Variants in MS4A18 observed in about 807,000 individuals in gnomAD.
MS4A18 encodes membrane-spanning 4-domains subfamily A member 18.
A neutral mutation model predicts 13.1 loss-of-function variants in MS4A18; 27 were observed. The observed-to-expected ratio is 2.06, with a 90% CI of 1.52 to 2.84. The LOEUF (loss-of-function observed/expected upper bound fraction) is 2.84, where lower values mean the gene tolerates loss of function less well. MS4A18 is among the 30% of genes most tolerant of loss of function. The probability of loss-of-function intolerance (pLI) is 0.00; values close to 1 mark genes in which losing one functional copy is unlikely to be tolerated. For synonymous variants in MS4A18, 126 were observed against 76.5 expected, an observed-to-expected ratio of 1.65 and a Z score of -3.38; for missense variants, 307 against 196.4, an observed-to-expected ratio of 1.56 and a Z score of -3.37.
exon 1 of MS4A18, chr11:60,729,732 A>G (rs1192355877): frequency 2.7e-5 from 19 of 702,684 alleles, no homozygotes; most frequent in South Asian, 2.4e-4. Context: ...CATTTGCATC[A>G]TTTACTTCAT....
upstream of MS4A18, among the ~76,000 whole-genome samples, chr11:60,727,076 G>T (rs1315794326): frequency 6.6e-6 from 1 of 152,056 alleles, no homozygotes; most frequent in Non-Finnish European, 1.5e-5. Context: ...CCACGTCCCT[G>T]CAAAGGACAT....
At chr11:60,728,233 T>G (rs904448723), upstream of MS4A18, among the ~76,000 whole-genome samples, 3 of 152,172 alleles carry the variant, frequency 2.0e-5, no homozygotes, top group Admixed American at 6.5e-5. Flanking sequence ...CTGAAACCAA[T>G]TAATGTTGAA....
chr11:60,739,808 T>C (rs1265068192), intron 4 of MS4A18, among the ~76,000 whole-genome samples: 1 of 152,150 alleles, frequency 6.6e-6, no homozygotes, highest in Non-Finnish European at 1.5e-5. Context: ...TCAGTAACAT[T>C]GACACAGTAC....
At chr11:60,736,609 G>GAGGA (rs1853343672) in intron 2 of MS4A18, among the ~76,000 whole-genome samples, 1 of 152,154 alleles carries the variant, frequency 6.6e-6, no homozygotes, top group East Asian at 1.9e-4. Flanking sequence ...TGAGGATAGG[G>GAGGA]CAGCGGAGGC....
At chr11:60,732,623 C>T (rs1020381232) in intron 1 of MS4A18, among the ~76,000 whole-genome samples, 7 of 150,002 alleles carry the variant, frequency 4.7e-5, no homozygotes, top group African/African-American at 1.5e-4. Flanking sequence ...CCCAGCTACT[C>T]GGGAGGCTGA....
chr11:60,727,804 C>A (rs1453086411), upstream of MS4A18, among the ~76,000 whole-genome samples: 4 of 152,168 alleles, frequency 2.6e-5, no homozygotes, highest in East Asian at 5.8e-4. Context: ...CTAATAATAT[C>A]TTTAATGTTC....
upstream of MS4A18, among the ~76,000 whole-genome samples, chr11:60,725,388 G>A (rs1481276056): frequency 6.6e-6 from 1 of 152,086 alleles, no homozygotes; most frequent in African/African-American, 2.4e-5. Flanking sequence ...TAGAGACAGG[G>A]TTTCACCGTG....
At chr11:60,724,948 G>A (rs534279118), upstream of MS4A18, among the ~76,000 whole-genome samples, 14 of 152,322 alleles carry the variant, frequency 9.2e-5, no homozygotes, top group South Asian at 2.1e-4. Flanking sequence ...CAAGACAGGC[G>A]TGCAGCCACC....
upstream of MS4A18, among the ~76,000 whole-genome samples, chr11:60,726,451 T>TA (rs1443073275): frequency 6.6e-6 from 1 of 152,118 alleles, no homozygotes; most frequent in Non-Finnish European, 1.5e-5. Context: ...TGCATGGAAG[T>TA]GGTTCTCAAA....
At chr11:60,742,227 T>C (rs1475533902) in intron 5 of MS4A18, among the ~76,000 whole-genome samples, 3 of 152,224 alleles carry the variant, frequency 2.0e-5, no homozygotes, top group African/African-American at 7.2e-5. Flanking sequence ...CTCTTGGCTC[T>C]ACTCTCAGAA....
exon 4 of MS4A18, chr11:60,738,967 C>T (rs1459233159): frequency 1.4e-6 from 1 of 703,094 alleles, no homozygotes; most frequent in African/African-American, 1.7e-5. Flanking sequence ...TCTTCATTAT[C>T]ATTACAGATC....
chr11:60,744,873 G>A (rs542592505), downstream of MS4A18, among the ~76,000 whole-genome samples: 1 of 152,316 alleles, frequency 6.6e-6, no homozygotes, highest in East Asian at 1.9e-4. Context: ...AGAGCAACTG[G>A]AGGTCTCAGA....
intron 1 of MS4A18, among the ~76,000 whole-genome samples, chr11:60,731,101 A>G (rs1357497024): frequency 2.6e-5 from 4 of 152,190 alleles, no homozygotes; most frequent in African/African-American, 9.7e-5. Flanking sequence ...CTTTAAAAAA[A>G]AAGAAAAAAA....
intron 2 of MS4A18, among the ~76,000 whole-genome samples, chr11:60,735,500 A>G (rs1422942569): frequency 7.3e-5 from 8 of 110,104 alleles, no homozygotes; most frequent in Non-Finnish European, 1.3e-4. Context: ...TGCCCGGCTA[A>G]TTTTTTTTTT....
chr11:60,745,025 G>A (rs1017283467), downstream of MS4A18, among the ~76,000 whole-genome samples: 3 of 152,166 alleles, frequency 2.0e-5, no homozygotes, highest in Admixed American at 6.5e-5. Context: ...ACTTCCACAC[G>A]AAATGCGAAT....
chr11:60,732,765 G>T (rs1853276442), intron 1 of MS4A18, among the ~76,000 whole-genome samples: 1 of 149,040 alleles, frequency 6.7e-6, no homozygotes, highest in African/African-American at 2.5e-5. Context: ...AACACCTACT[G>T]CATGCTAGGA....
chr11:60,739,347 C>T (rs967296309), intron 4 of MS4A18, among the ~76,000 whole-genome samples: 1 of 152,084 alleles, frequency 6.6e-6, no homozygotes, highest in African/African-American at 2.4e-5. Context: ...CGAGGGATAG[C>T]CTTTCACACA....
intron 3 of MS4A18, among the ~76,000 whole-genome samples, chr11:60,738,262 G>A (rs1853370061): frequency 6.6e-6 from 1 of 152,140 alleles, no homozygotes; most frequent in Non-Finnish European, 1.5e-5. Flanking sequence ...TCTCAGCACT[G>A]AGCGGCAGAC....
upstream of MS4A18, among the ~76,000 whole-genome samples, chr11:60,725,504 C>G (rs1012587220): frequency 6.6e-6 from 1 of 152,104 alleles, no homozygotes; most frequent in Non-Finnish European, 1.5e-5. Flanking sequence ...TGACATTTTC[C>G]TGACGGGAGG....
Sources: allele counts gnomAD v4.1 joint callset (sites outside exome capture counted in the v4.1 genomes callset), GRCh38; gene constraint gnomAD v4.1.1; transcripts MANE v1.5; gene names NCBI Gene and HGNC (gene_info 2026-07-23, HGNC 2026-07-21).